Variants in GOLM2 observed in about 807,000 individuals in gnomAD.
GOLM2 encodes the protein golgi membrane protein 2, also known as protein GOLM2.
Under a neutral mutation model 55.9 loss-of-function variants are expected in GOLM2, and 26 were observed. The ratio of observed to expected loss-of-function variants is 0.47; its 90% CI spans 0.34 to 0.65. The LOEUF (loss-of-function observed/expected upper bound fraction) is 0.65. Among genes scored for constraint, GOLM2 ranks in the 30% least tolerant of loss-of-function variants. GOLM2 has a pLI of 0.01. For synonymous variants in GOLM2, 165 were observed against 194.6 expected (o/e 0.85, Z 1.27); for missense variants, 486 against 531.8 (o/e 0.91, Z 0.85).
chr15:44,336,613 ACT>A (rs896634281), intron 4 of GOLM2, among the ~76,000 whole-genome samples: 8 of 151,714 alleles, frequency 5.3e-5, no homozygotes, highest in Admixed American at 5.3e-4. Flanking sequence ...ATTGTGACAC[ACT>A]CTTAAGATTT....
intron 8 of GOLM2, among the ~76,000 whole-genome samples, chr15:44,390,731 G>A (rs375881899): frequency 6.6e-5 from 10 of 151,932 alleles, no homozygotes; most frequent in Admixed American, 2.0e-4. Context: ...CACCACGCCC[G>A]GCTAATGTTA....
chr15:44,371,078 C>T (rs1354199485), intron 6 of GOLM2, among the ~76,000 whole-genome samples: 1 of 152,102 alleles, frequency 6.6e-6, no homozygotes, highest in African/African-American at 2.4e-5. Context: ...AGAGGAAATC[C>T]CCATATAGAT....
chr15:44,391,538 A>T (rs2079489484), intron 8 of GOLM2, among the ~76,000 whole-genome samples: 1 of 152,010 alleles, frequency 6.6e-6, no homozygotes, highest in South Asian at 2.1e-4. Context: ...AAGAAATTGG[A>T]AAGATCGTCA....
At chr15:44,345,196 G>A (rs1301515730) in intron 6 of GOLM2, among the ~76,000 whole-genome samples, 5 of 151,654 alleles carry the variant, frequency 3.3e-5, no homozygotes, top group Non-Finnish European at 1.5e-5. Flanking sequence ...TGCAACTGCC[G>A]CCTCCCAGGT....
At chr15:44,308,817 C>G (rs548289277) in intron 1 of GOLM2, among the ~76,000 whole-genome samples, 2 of 152,098 alleles carry the variant, frequency 1.3e-5, no homozygotes, top group East Asian at 3.9e-4. Flanking sequence ...AGCTCCTGTA[C>G]AGCAAAAGAA....
At chr15:44,369,678 A>G (rs1303787226) in intron 6 of GOLM2, among the ~76,000 whole-genome samples, 1 of 115,258 alleles carries the variant, frequency 8.7e-6, no homozygotes, top group Non-Finnish European at 1.7e-5. Flanking sequence ...ATATATACAC[A>G]CATATATATA....
At chr15:44,312,000 C>T (rs547573711) in intron 1 of GOLM2, among the ~76,000 whole-genome samples, 4 of 152,166 alleles carry the variant, frequency 2.6e-5, no homozygotes, top group Non-Finnish European at 5.9e-5. Context: ...GAACTTCAAA[C>T]TTGCATGTTC....
At chr15:44,351,867 G>T (rs190504588) in intron 6 of GOLM2, among the ~76,000 whole-genome samples, 2 of 152,100 alleles carry the variant, frequency 1.3e-5, no homozygotes, top group East Asian at 3.9e-4. Context: ...CTTTACCAAA[G>T]AAATGAAAGA....
At chr15:44,359,240 A>G (rs1168364901) in intron 6 of GOLM2, among the ~76,000 whole-genome samples, 1 of 152,126 alleles carries the variant, frequency 6.6e-6, no homozygotes, top group African/African-American at 2.4e-5. Flanking sequence ...AAAATTTTGT[A>G]AAAGACATAT....
chr15:44,406,055 T>C lies in GOLM2; in HGVS notation c.1240+3001T>C, dbSNP rs145525056. Among the ~76,000 whole-genome samples, 447 of 152,286 alleles carry C rather than the reference T, an allele frequency of 2.9e-3. 3 individuals carry two copies. Among genetic ancestry groups the C allele is most frequent in the African/African-American group, 0.01 (425 of 41,556 alleles). On this transcript the variant is annotated intron_variant, in intron 9 of 9. Coordinates refer to ENST00000299957, the MANE Select transcript of GOLM2 (RefSeq NM_138423.4). The stretch of plus-strand genomic sequence containing the variant: ...GCCAATGTGGAAGTAATGGTTGGGT[T>C]CCCAGTATGGTTTGCACTTGTAGCC...
chr15:44,323,025 A>G lies in GOLM2; in HGVS notation c.382+6A>G, dbSNP rs771641925. The G allele has an allele frequency of 1.9e-6, 3 of 1,560,592 alleles. No homozygotes were observed. The highest frequency in any genetic ancestry group is 8.7e-7 in the Non-Finnish European group (1 of 1,154,108). On this transcript the variant is annotated splice_donor_region_variant and intron_variant, in intron 2 of 9. Coordinates refer to ENST00000299957, the MANE Select transcript of GOLM2 (RefSeq NM_138423.4). Reference sequence around the variant, plus strand: ...AGACATACATCATTTAAAGGGTAAGAACCTTAATTCCAGATTAAAGATAAA... The same window carrying G: ...AGACATACATCATTTAAAGGGTAAGGACCTTAATTCCAGATTAAAGATAAA...
At chr15:44,372,721 C>T (rs2141186832) in intron 6 of GOLM2, among the ~76,000 whole-genome samples, 1 of 152,282 alleles carries the variant, frequency 6.6e-6, no homozygotes. Context: ...GTCCCAGCCC[C>T]CAGTTACCTC....
chr15:44,412,645 A>G (rs1253104878), intron 9 of GOLM2, among the ~76,000 whole-genome samples: 1 of 152,136 alleles, frequency 6.6e-6, no homozygotes, highest in African/African-American at 2.4e-5. Context: ...AAAGCCTGAA[A>G]ATGTGTACAG....
intron 8 of GOLM2, among the ~76,000 whole-genome samples, chr15:44,391,850 A>T (rs1017223430): frequency 6.6e-5 from 10 of 151,912 alleles, no homozygotes; most frequent in Admixed American, 2.6e-4. Flanking sequence ...TTTATTTTTT[A>T]TTTATTTATT....
intron 6 of GOLM2, among the ~76,000 whole-genome samples, chr15:44,344,308 T>TATAC (rs1567030870): frequency 6.8e-6 from 1 of 147,824 alleles, no homozygotes; most frequent in East Asian, 1.9e-4. Context: ...TATATATATA[T>TATAC]ATACCTCTGA....
At chr15:44,380,331 G>A (rs2079393238) in intron 7 of GOLM2, among the ~76,000 whole-genome samples, 1 of 152,090 alleles carries the variant, frequency 6.6e-6, no homozygotes, top group African/African-American at 2.4e-5. Context: ...AAAAAGGGAG[G>A]TGGGGAAAGA....
At chr15:44,385,299 G>A (rs999806298) in intron 8 of GOLM2, among the ~76,000 whole-genome samples, 1 of 151,604 alleles carries the variant, frequency 6.6e-6, no homozygotes, top group Non-Finnish European at 1.5e-5. Flanking sequence ...CACCAGCAAC[G>A]TATAAGAGTT....
chr15:44,297,867 CTTTT>C (rs370282797), intron 1 of GOLM2, among the ~76,000 whole-genome samples: 3 of 109,280 alleles, frequency 2.7e-5, no homozygotes, highest in African/African-American at 7.0e-5. Context: ...CGCACCTGGC[CTTTT>C]TTTTTTTTTT....
chr15:44,381,090 A>C (rs1180518812), intron 8 of GOLM2, 114 bp downstream of exon 8: 14 of 591,742 alleles, frequency 2.4e-5, no homozygotes, highest in Non-Finnish European at 3.6e-5. Context: ...TATATATTTA[A>C]AGAGAAGGTA....
Sources: gnomAD v4.1 joint callset for allele counts (sites outside exome capture counted in the v4.1 genomes callset) on GRCh38, gnomAD v4.1.1 for gene constraint, MANE v1.5 for transcripts, NCBI Gene and HGNC (gene_info 2026-07-23, HGNC 2026-07-21) for gene names.